Variants in ANKIB1 observed in about 807,000 individuals in gnomAD.
The protein encoded by ANKIB1 is ankyrin repeat and IBR domain-containing protein 1.
ANKIB1 carries 43 observed loss-of-function variants against 122.1 expected under a neutral mutation model. That is an observed-to-expected ratio of 0.35 (90% confidence interval 0.28 to 0.45). The LOEUF (loss-of-function observed/expected upper bound fraction) is 0.45. Ranked by LOEUF, ANKIB1 falls within the 20% of genes least tolerant of loss-of-function variation. ANKIB1 has a pLI of 1.00. For missense variants in ANKIB1, 992 were observed against 1,329.5 expected (o/e 0.75, Z 3.95); for synonymous variants, 390 against 442.0 (o/e 0.88, Z 1.48).
intron 1 of ANKIB1, among the ~76,000 whole-genome samples, chr7:92,264,297 G>A (rs1239614941): frequency 1.3e-5 from 2 of 151,454 alleles, no homozygotes; most frequent in Non-Finnish European, 2.9e-5. Context: ...AAGAGGCAAT[G>A]GCATTGTGGA....
At chr7:92,286,231 T>A (rs1228827114) in intron 1 of ANKIB1, among the ~76,000 whole-genome samples, 1 of 152,186 alleles carries the variant, frequency 6.6e-6, no homozygotes, top group Non-Finnish European at 1.5e-5. Flanking sequence ...CCAGCTGTTT[T>A]AAACCTTTCC....
At chr7:92,325,594 A>C (rs993862046) in intron 4 of ANKIB1, among the ~76,000 whole-genome samples, 1 of 152,066 alleles carries the variant, frequency 6.6e-6, no homozygotes, top group African/African-American at 2.4e-5. Context: ...TTAAACTTTT[A>C]ACAGTTACAG....
At chr7:92,343,811 A>G (rs1803481549) in intron 6 of ANKIB1, among the ~76,000 whole-genome samples, 1 of 152,198 alleles carries the variant, frequency 6.6e-6, no homozygotes, top group South Asian at 2.1e-4. Context: ...ATAGTTATGT[A>G]TTTGTTTCAG....
At chr7:92,292,716 GA>G (rs1307455474) in intron 1 of ANKIB1, among the ~76,000 whole-genome samples, 1 of 152,008 alleles carries the variant, frequency 6.6e-6, no homozygotes, top group Non-Finnish European at 1.5e-5. Context: ...GCAACCCTCT[GA>G]AAAATTAAAT....
At chr7:92,309,942 A>AAAAAAAAAAAAAATATATATAT (rs1335765681) in intron 3 of ANKIB1, among the ~76,000 whole-genome samples, 2 of 91,790 alleles carry the variant, frequency 2.2e-5, no homozygotes, top group East Asian at 4.6e-4. Flanking sequence ...AAAAAAAAAA[A>AAAAAAAAAAAAAATATATATAT]ATATATATAT....
intron 8 of ANKIB1, among the ~76,000 whole-genome samples, chr7:92,351,359 T>G (rs74752799): frequency 0.013 from 1,974 of 152,312 alleles, 41 homozygotes; most frequent in African/African-American, 0.045. Flanking sequence ...CAGAACTTTT[T>G]ATTAATTTGC....
At chr7:92,378,441 A>G (rs1048679079) in intron 11 of ANKIB1, among the ~76,000 whole-genome samples, 27 of 151,890 alleles carry the variant, frequency 1.8e-4, no homozygotes, top group Non-Finnish European at 1.8e-4. Flanking sequence ...CCAAGGGGAA[A>G]AATTACATAT....
chr7:92,309,073 T>C (rs1405810938), intron 3 of ANKIB1, among the ~76,000 whole-genome samples: 1 of 152,206 alleles, frequency 6.6e-6, no homozygotes, highest in Non-Finnish European at 1.5e-5. Context: ...ATATCTGAAG[T>C]GTCAATTCTT....
chr7:92,302,809 C>T (rs1383543755), intron 2 of ANKIB1, among the ~76,000 whole-genome samples: 1 of 152,116 alleles, frequency 6.6e-6, no homozygotes, highest in Non-Finnish European at 1.5e-5. Flanking sequence ...AATTGAAATA[C>T]AGGTCTCCTC....
intron 9 of ANKIB1, among the ~76,000 whole-genome samples, chr7:92,360,940 C>T (rs1428202123): frequency 2.0e-5 from 3 of 152,092 alleles, no homozygotes; most frequent in Admixed American, 2.0e-4. Flanking sequence ...TGTCAGCTCA[C>T]TGCAGCCTCC....
At chr7:92,292,490 A>G (rs1191540602) in intron 1 of ANKIB1, among the ~76,000 whole-genome samples, 4 of 152,082 alleles carry the variant, frequency 2.6e-5, no homozygotes, top group Non-Finnish European at 5.9e-5. Flanking sequence ...ATATTTCACT[A>G]AAGTAGTAAT....
intron 4 of ANKIB1, among the ~76,000 whole-genome samples, chr7:92,321,702 A>G (rs1014495311): frequency 3.9e-5 from 6 of 152,186 alleles, no homozygotes; most frequent in African/African-American, 7.2e-5. Flanking sequence ...TAATCATACA[A>G]TTGTGTTGTT....
intron 11 of ANKIB1, among the ~76,000 whole-genome samples, chr7:92,375,037 A>G (rs1804351182): frequency 6.6e-6 from 1 of 150,544 alleles, no homozygotes; most frequent in African/African-American, 2.5e-5. Context: ...CACTGCATAT[A>G]AAAGTTTAAC....
intron 1 of ANKIB1, among the ~76,000 whole-genome samples, chr7:92,287,540 T>G (rs1002901409): frequency 6.6e-6 from 1 of 152,212 alleles, no homozygotes; most frequent in Non-Finnish European, 1.5e-5. Flanking sequence ...AGGTGGTGTT[T>G]CCTGGTCAGA....
intron 1 of ANKIB1, among the ~76,000 whole-genome samples, chr7:92,251,382 A>G (rs1422214104): frequency 6.6e-6 from 1 of 152,242 alleles, no homozygotes; most frequent in Non-Finnish European, 1.5e-5. Context: ...GAAAGTATGT[A>G]AATCAACATA....
At chr7:92,364,589 GCATTTCTTTATATATTT>G (rs1804029784) in intron 10 of ANKIB1, among the ~76,000 whole-genome samples, 1 of 152,086 alleles carries the variant, frequency 6.6e-6, no homozygotes, top group Non-Finnish European at 1.5e-5. Flanking sequence ...CCACCTACCT[GCATTTCTTTATATATTT>G]CTTTAGAACT....
chr7:92,271,430 T>C (rs1254675706), intron 1 of ANKIB1, among the ~76,000 whole-genome samples: 1 of 152,194 alleles, frequency 6.6e-6, no homozygotes, highest in East Asian at 1.9e-4. Context: ...AAAAATTTTT[T>C]AGTTATTCTA....
At chr7:92,274,048 T>G (rs1050928664) in intron 1 of ANKIB1, among the ~76,000 whole-genome samples, 1 of 152,192 alleles carries the variant, frequency 6.6e-6, no homozygotes, top group Non-Finnish European at 1.5e-5. Context: ...GTGTTGGGAT[T>G]ACAGGTGTGA....
chr7:92,327,065 G>A (rs1056359769), intron 4 of ANKIB1, among the ~76,000 whole-genome samples: 6 of 152,134 alleles, frequency 3.9e-5, no homozygotes, highest in African/African-American at 1.4e-4. Context: ...GAACAGACTG[G>A]ACAATAATAC....
Sources: gnomAD v4.1 joint callset for allele counts (sites outside exome capture counted in the v4.1 genomes callset) on GRCh38, gnomAD v4.1.1 for gene constraint, MANE v1.5 for transcripts, NCBI Gene and HGNC (gene_info 2026-07-23, HGNC 2026-07-21) for gene names.